IGFBP7: variants seen among roughly 807,000 people sequenced by gnomAD.
The protein encoded by IGFBP7 is insulin like growth factor binding protein 7.
A neutral mutation model predicts 29.4 loss-of-function variants in IGFBP7; 31 were observed. The ratio of observed to expected loss-of-function variants is 1.05; its 90% CI spans 0.79 to 1.42. The LOEUF is 1.42. Ranked by LOEUF, IGFBP7 falls within the 40% of genes most tolerant of loss-of-function variation. IGFBP7 has a pLI of 0.00. For synonymous variants in IGFBP7, 172 were observed against 174.9 expected (o/e 0.98, Z 0.13); for missense variants, 393 against 395.5 (o/e 0.99, Z 0.05).
At chr4:57,071,939 C>G (rs1202258146) in intron 1 of IGFBP7, among the ~76,000 whole-genome samples, 1 of 152,010 alleles carries the variant, frequency 6.6e-6, no homozygotes, top group Non-Finnish European at 1.5e-5. Context: ...AGTTCGAGAC[C>G]AGCCTGGGAA....
intron 1 of IGFBP7, among the ~76,000 whole-genome samples, chr4:57,042,516 T>C (rs1724254941): frequency 6.6e-6 from 1 of 152,124 alleles, no homozygotes; most frequent in Admixed American, 6.5e-5. Flanking sequence ...CCCAGCTAAT[T>C]TTTGTGTTTT....
chr4:57,095,593 T>A (rs1352366053), intron 1 of IGFBP7, among the ~76,000 whole-genome samples: 2 of 152,184 alleles, frequency 1.3e-5, no homozygotes, highest in Non-Finnish European at 2.9e-5. Context: ...AGAAAACTGA[T>A]GCTCAGAGAG....
intron 2 of IGFBP7, among the ~76,000 whole-genome samples, chr4:57,038,454 C>T (rs1242671865): frequency 2.6e-5 from 4 of 152,140 alleles, no homozygotes; most frequent in Admixed American, 6.5e-5. Flanking sequence ...TGGATCCCGC[C>T]CCGCTTTTTG....
At chr4:57,036,720 C>T (rs959294321) in intron 2 of IGFBP7, among the ~76,000 whole-genome samples, 3 of 152,130 alleles carry the variant, frequency 2.0e-5, no homozygotes, top group Middle Eastern at 3.2e-3. Context: ...GAATTGCCAC[C>T]GTAGTCTCAA....
chr4:57,110,155 C>T lies in IGFBP7; in HGVS notation c.197G>A (p.Gly66Asp). ...GCCACCCCCGCACGGCTCGCCCTCG[C>T]CGCGGGCGCACATAGGGCAGCAGCC... ...ACGCCPMCAR[G>D]EGEPCGGGGA... The change falls in exon 1 of 5, where the codon GGC becomes GAC. Residue 66 changes from glycine to aspartate, a missense_variant. Physicochemically the swap from Gly to Asp is moderately conservative, Grantham distance 94. Transcript: ENST00000295666. 1 of 1,466,940 alleles carries T rather than the reference C, an allele frequency of 6.8e-7. No individual in the cohort carries two copies. The highest frequency in any genetic ancestry group is 2.9e-5 in the East Asian group (1 of 34,632). The allele number at this position is 1,466,940 out of a possible 1,614,324, so 90.9% of individuals were successfully genotyped here.
chr4:57,058,565 A>G (rs1724727132), intron 1 of IGFBP7, among the ~76,000 whole-genome samples: 2 of 152,202 alleles, frequency 1.3e-5, no homozygotes, highest in Admixed American at 6.5e-5. Flanking sequence ...TTGAGGCTGA[A>G]CCCCTTCCTT....
At chr4:57,096,436 C>G (rs543639315) in intron 1 of IGFBP7, among the ~76,000 whole-genome samples, 2 of 151,940 alleles carry the variant, frequency 1.3e-5, no homozygotes, top group South Asian at 4.2e-4. Context: ...TGGGGCTGGA[C>G]ATTAAGTCAT....
At chr4:57,055,829 T>A (rs1031543902) in intron 1 of IGFBP7, among the ~76,000 whole-genome samples, 2 of 152,100 alleles carry the variant, frequency 1.3e-5, no homozygotes, top group Non-Finnish European at 2.9e-5. Flanking sequence ...TTTGCTCATT[T>A]CTGGTCCGAT....
rs541778092 is a variant in IGFBP7, at chr4:57,109,432, T to TA, written c.475+444dup. ...GGCGACAGAGCAAGATCCTATCTTT[T>TA]AAAAAAAAAAGTCTGTCTGGAAGTC... On this transcript the variant is annotated intron_variant, in intron 1 of 4. Transcript: ENST00000295666. 1.3e-3 allele frequency among the ~76,000 whole-genome samples: 197 copies of TA among 149,918 alleles called. No homozygotes were observed. The East Asian group carries it at 0.017, about 13-fold the overall frequency.
chr4:57,110,205 CA>C lies in IGFBP7; in HGVS notation c.146del (p.Leu49ArgfsTer40). The C allele has an allele frequency of 7.3e-7, 1 of 1,377,606 alleles. No homozygotes were observed. Among genetic ancestry groups the C allele is most frequent in the Non-Finnish European group, 9.3e-7 (1 of 1,074,362 alleles). 85.3% of individuals were successfully genotyped at this position (1,377,606 alleles called of 1,614,324 possible). A position where few individuals can be genotyped will look rare whatever the true frequency, so the allele number is the denominator to read the frequency against. The part of the protein sequence containing the change: ...SCPPLPPLGC[L>X]LGETRDACGC... ...CGCACGCGTCGCGGGTCTCGCCCAG[CA>C]GGCAGCCCAGCGGGGGCAGGGGCGG... On this transcript the variant is annotated frameshift_variant, in exon 1 of 5. Coordinates refer to ENST00000295666, the MANE Select transcript of IGFBP7 (RefSeq NM_001553.3). LOFTEE classifies it high-confidence loss of function.
intron 1 of IGFBP7, chr4:57,072,965 C>G (rs1725092171): frequency 1.2e-6 from 1 of 821,926 alleles, no homozygotes; most frequent in South Asian, 1.3e-5. Context: ...GTGGTCTGCC[C>G]TGTATGATGT....
In IGFBP7 at chr4:57,031,309, C is replaced by A. The variant is rs11555297; in HGVS notation, c.*8G>T. The A allele has an allele frequency of 6.2e-7, 1 of 1,600,032 alleles. No individual in the cohort carries two copies. Among genetic ancestry groups the A allele is most frequent in the Non-Finnish European group, 8.5e-7 (1 of 1,170,546 alleles). The stretch of plus-strand genomic sequence containing the variant: ...TTTAACCATGCAGACTAATAATATT[C>A]TGGAGGTTTATAGCTCGGCACCTTC... On this transcript the variant is annotated 3_prime_UTR_variant, in exon 5 of 5. Transcript: ENST00000295666.
intron 1 of IGFBP7, among the ~76,000 whole-genome samples, chr4:57,062,562 C>A (rs145004951): frequency 6.6e-6 from 1 of 152,120 alleles, no homozygotes; most frequent in African/African-American, 2.4e-5. Flanking sequence ...ATAACCCCAT[C>A]GTGGCCAAAT....
chr4:57,048,556 C>G (rs995231420), intron 1 of IGFBP7, among the ~76,000 whole-genome samples: 7 of 152,164 alleles, frequency 4.6e-5, no homozygotes, highest in Non-Finnish European at 8.8e-5. Context: ...TCACAAAACA[C>G]ACAAATATCA....
At chr4:57,032,204 A>G in intron 4 of IGFBP7, 1 of 1,203,604 alleles carries the variant, frequency 8.3e-7, no homozygotes, top group Non-Finnish European at 1.1e-6. Context: ...CATGTTAGAT[A>G]AGGTAAAAGC....
chr4:57,090,770 C>T (rs1725619380), intron 1 of IGFBP7, among the ~76,000 whole-genome samples: 1 of 152,074 alleles, frequency 6.6e-6, no homozygotes, highest in African/African-American at 2.4e-5. Context: ...ATTGCTTGAA[C>T]CCGGGAGGCA....
chr4:57,076,820 A>G (rs1188723872), intron 1 of IGFBP7, among the ~76,000 whole-genome samples: 1 of 152,204 alleles, frequency 6.6e-6, no homozygotes, highest in Non-Finnish European at 1.5e-5. Flanking sequence ...ATTTAAGGTC[A>G]AGGTAACGAA....
rs187333364 is a variant in IGFBP7 at position 57,073,487 on chromosome 4, C to T, written c.476-32554G>A. 5.4e-3 allele frequency among the ~76,000 whole-genome samples: 825 copies of T among 151,556 alleles called. 3 individuals carry two copies. Among genetic ancestry groups the T allele is most frequent in the Non-Finnish European group, 8.7e-3 (592 of 67,938 alleles). On this transcript the variant is annotated intron_variant, in intron 1 of 4. Transcript: ENST00000295666. ...GTGTGTGCCTGTAGTTCCAGCTACT[C>T]AGGGGACTGAGGTGGGAGGATTGCT...
intron 4 of IGFBP7, chr4:57,032,097 A>G (rs1302503124): frequency 4.1e-6 from 1 of 242,160 alleles, no homozygotes; most frequent in Admixed American, 5.2e-5. Flanking sequence ...TTAAATAGGA[A>G]TTTAATAGTC....
Sources: allele counts gnomAD v4.1 joint callset (sites outside exome capture counted in the v4.1 genomes callset), GRCh38; gene constraint gnomAD v4.1.1; transcripts MANE v1.5; gene names NCBI Gene and HGNC (gene_info 2026-07-23, HGNC 2026-07-21).